Variants in PTK2B observed in about 807,000 individuals in gnomAD.
The protein encoded by PTK2B is protein-tyrosine kinase 2-beta.
PTK2B carries 71 observed loss-of-function variants against 142.9 expected under a neutral mutation model. The ratio of observed to expected loss-of-function variants is 0.50; its 90% CI spans 0.41 to 0.61. The LOEUF is 0.61. Ranked by LOEUF, PTK2B falls within the 20% of genes least tolerant of loss-of-function variation. The pLI is 0.00. For synonymous variants in PTK2B, 519 were observed against 503.4 expected (o/e 1.03, Z -0.42); for missense variants, 1,105 against 1,320.4 (o/e 0.84, Z 2.53).
At chr8:27,348,276 A>G (rs1347267234) in intron 1 of PTK2B, among the ~76,000 whole-genome samples, 2 of 152,172 alleles carry the variant, frequency 1.3e-5, no homozygotes, top group Admixed American at 6.5e-5. Context: ...CGAATACTCA[A>G]ATGTTTCTTT....
intron 1 of PTK2B, among the ~76,000 whole-genome samples, chr8:27,337,496 C>T (rs1346110344): frequency 6.6e-6 from 1 of 152,118 alleles, no homozygotes; most frequent in Non-Finnish European, 1.5e-5. Context: ...ACCCCCGTAC[C>T]ATAAGCAGTC....
intron 24 of PTK2B, 126 bp from the exon 25 acceptor site, chr8:27,450,623 T>G (rs1192553141): frequency 1.7e-5 from 20 of 1,201,396 alleles, no homozygotes; most frequent in Non-Finnish European, 2.3e-5. Flanking sequence ...AACAAACTTA[T>G]GAGAAAAAAG....
intron 27 of PTK2B, 29 bp from the exon 28 acceptor site, chr8:27,453,085 C>T: frequency 1.2e-6 from 2 of 1,612,862 alleles, no homozygotes; most frequent in Non-Finnish European, 1.7e-6. Flanking sequence ...CTGAGAACTG[C>T]CCCCCACTTG....
intron 1 of PTK2B, among the ~76,000 whole-genome samples, chr8:27,393,292 A>C (rs976031622): frequency 6.6e-6 from 1 of 152,230 alleles, no homozygotes; most frequent in Admixed American, 6.5e-5. Flanking sequence ...TGGAATGAGC[A>C]TCCACAGCAG....
chr8:27,337,439 C>G (rs1276281377), intron 1 of PTK2B, among the ~76,000 whole-genome samples: 1 of 152,118 alleles, frequency 6.6e-6, no homozygotes, highest in Non-Finnish European at 1.5e-5. Context: ...CCTGGCCCTC[C>G]ATCACTGCTA....
rs1810985632 is a variant in PTK2B, at chr8:27,439,072, G to T, written c.1685G>T (p.Cys562Phe). The T allele has an allele frequency of 6.2e-7, 1 of 1,614,046 alleles. No homozygotes were observed. Among genetic ancestry groups the T allele is most frequent in the African/African-American group, 1.3e-5 (1 of 74,904 alleles). ...VRNILVASPE[C>F]VKLGDFGLSR... ...AACATCCTGGTGGCCTCCCCTGAGT[G>T]TGTGAAGCTGGGGGACTTTGGTCTT... The change falls in exon 19 of 31, where the codon TGT becomes TTT. Residue 562 changes from cysteine (C) to phenylalanine (F), a missense_variant. Physicochemically the swap from Cys to Phe is radical, Grantham distance 205. Coordinates refer to ENST00000346049, the MANE Select transcript of PTK2B (RefSeq NM_173176.3).
rs200025953 is a variant in PTK2B at position 27,432,275 on chromosome 8, G to A, written c.901G>A (p.Glu301Lys). ...TTTCCCACAGCCCACCTGCCTGGCCGAGTTCAAGCAGATCAGGTCCATCAG... is the reference window on the plus strand; with the variant it reads ...TTTCCCACAGCCCACCTGCCTGGCCAAGTTCAAGCAGATCAGGTCCATCAG... Reference protein sequence around the residue: ...SQDAKPTCLAEFKQIRSIRCL... With the variant: ...SQDAKPTCLAKFKQIRSIRCL... Residue 301 changes from glutamate to lysine, a missense_variant, in exon 10 of 31, where the codon GAG becomes AAG. Physicochemically the swap from Glu to Lys is moderately conservative, Grantham distance 56. Coordinates refer to ENST00000346049, the MANE Select transcript of PTK2B (RefSeq NM_173176.3). 73 of 1,613,932 alleles carry A rather than the reference G, an allele frequency of 4.5e-5. No homozygotes were observed. The highest frequency in any genetic ancestry group is 1.6e-4 in the Middle Eastern group (1 of 6,084).
At position 27,419,874 on chromosome 8, in the gene PTK2B, C is replaced by A. The variant is rs747761379; in HGVS notation, c.205-21C>A. 5.6e-6 allele frequency: 9 copies of A among 1,613,008 alleles called. No homozygotes were observed. The Admixed American group carries it at 1.3e-4, about 24-fold the overall frequency. On this transcript the variant is annotated intron_variant, in intron 2 of 30. Transcript: ENST00000346049. Reference sequence around the variant, plus strand: ...CAAAGGTGGGCACCCCTGAGTCATGCCTCTCTCTTCTCCTCTGCAGGAGAT... The same window carrying A: ...CAAAGGTGGGCACCCCTGAGTCATGACTCTCTCTTCTCCTCTGCAGGAGAT...
At chr8:27,430,230 C>A (rs1201167565) in intron 6 of PTK2B, 75 bp downstream of exon 6, 1 of 1,577,432 alleles carries the variant, frequency 6.3e-7, no homozygotes, top group African/African-American at 1.4e-5. Flanking sequence ...CCCTCTCCTC[C>A]ACCCCTCCCC....
chr8:27,453,608 C>T (rs79608631), intron 28 of PTK2B, among the ~76,000 whole-genome samples: 8,118 of 152,278 alleles, frequency 0.053, 248 homozygotes, highest in Non-Finnish European at 0.075. Context: ...GGCCAGGTGC[C>T]GTGGCTCACA....
chr8:27,451,385 T>A (rs1811801770), intron 26 of PTK2B, 100 bp from the exon 27 acceptor site: 4 of 1,566,960 alleles, frequency 2.6e-6, no homozygotes, highest in Admixed American at 1.8e-5. Context: ...CTGTAATCTC[T>A]AAACACACAG....
upstream of PTK2B, chr8:27,311,398 G>C: frequency 2.3e-6 from 2 of 864,638 alleles, no homozygotes; most frequent in South Asian, 3.7e-5. Flanking sequence ...GATGGCGAGG[G>C]GGAGGGAGGG....
At chr8:27,439,205 C>G in intron 19 of PTK2B, 74 bp downstream of exon 19, 1 of 1,566,634 alleles carries the variant, frequency 6.4e-7, no homozygotes, top group Non-Finnish European at 8.8e-7. Context: ...AGAAGGAAGT[C>G]TACAGTTGGA....
At chr8:27,444,301 C>G (rs374173394) in intron 23 of PTK2B, 30 bp downstream of exon 23, 2 of 1,589,850 alleles carry the variant, frequency 1.3e-6, no homozygotes, top group African/African-American at 2.7e-5. Context: ...ACGGGAACTT[C>G]AGGTCTACCT....
At chr8:27,338,280 A>G (rs1371535015) in intron 1 of PTK2B, among the ~76,000 whole-genome samples, 1 of 152,254 alleles carries the variant, frequency 6.6e-6, no homozygotes, top group Non-Finnish European at 1.5e-5. Context: ...TTTGTTTACA[A>G]CATTTAGCAC....
rs112334653 is a variant in PTK2B at position 27,437,867 on chromosome 8, A to C, written c.1630A>C (p.Asn544His). The C allele has an allele frequency of 5.0e-5, 81 of 1,611,584 alleles. No individual in the cohort carries two copies. The highest frequency in any genetic ancestry group is 6.8e-5 in the Non-Finnish European group (80 of 1,179,066). ...AGCCATGGCCTACCTGGAGAGCATC[A>C]ACTGCGTGCACAGGTAGGGGTGGAG... ...CKAMAYLESI[N>H]CVHRDIAVRN... is the part of the protein sequence containing the mutation. Residue 544 changes from asparagine to histidine, a missense_variant, in exon 18 of 31, where the codon AAC (asparagine) becomes CAC (histidine). Physicochemically the swap from Asn to His is moderately conservative, Grantham distance 68 (BLOSUM62 1). Coordinates refer to ENST00000346049, the MANE Select transcript of PTK2B (RefSeq NM_173176.3).
chr8:27,401,479 G>T (rs1285606549), intron 2 of PTK2B, among the ~76,000 whole-genome samples: 1 of 152,164 alleles, frequency 6.6e-6, no homozygotes, highest in Non-Finnish European at 1.5e-5. Flanking sequence ...TTATAGTGGA[G>T]ACAGTGAGTA....
intron 1 of PTK2B, among the ~76,000 whole-genome samples, chr8:27,346,951 C>G (rs927626517): frequency 3.9e-5 from 6 of 152,212 alleles, no homozygotes; most frequent in Non-Finnish European, 7.3e-5. Context: ...GGGAGCTACC[C>G]ACCGCATTAT....
At chr8:27,311,238 C>G, upstream of PTK2B, 1 of 1,521,480 alleles carries the variant, frequency 6.6e-7, no homozygotes, top group Non-Finnish European at 8.8e-7. Context: ...CGCTCCATGG[C>G]ACGAGCAGCC....
Sources: allele counts gnomAD v4.1 joint callset (sites outside exome capture counted in the v4.1 genomes callset), GRCh38; gene constraint gnomAD v4.1.1; transcripts MANE v1.5; gene names NCBI Gene and HGNC (gene_info 2026-07-23, HGNC 2026-07-21).